Variants in AIG1 observed in about 807,000 individuals in gnomAD.
AIG1 encodes the protein androgen induced 1.
In AIG1, 23 loss-of-function variants were observed where a neutral mutation model predicts 31.4. The ratio of observed to expected loss-of-function variants is 0.73; its 90% CI spans 0.53 to 1.04. The LOEUF (loss-of-function observed/expected upper bound fraction) is 1.04, where lower values mean the gene tolerates loss of function less well. Ranked by LOEUF, AIG1 falls within the 50% of genes least tolerant of loss-of-function variation. AIG1 has a pLI of 0.00. For missense variants in AIG1, 274 were observed against 295.0 expected, an observed-to-expected ratio of 0.93 and a Z score of 0.52; for synonymous variants, 100 against 110.5, an observed-to-expected ratio of 0.90 and a Z score of 0.60.
intron 3 of AIG1, among the ~76,000 whole-genome samples, chr6:143,180,875 C>T (rs183453090): frequency 5.9e-5 from 9 of 152,172 alleles, no homozygotes; most frequent in East Asian, 1.9e-4. Flanking sequence ...ATTTAGGCAA[C>T]GATTTATTCT....
At chr6:143,132,220 A>G (rs974505676) in intron 1 of AIG1, among the ~76,000 whole-genome samples, 1 of 151,992 alleles carries the variant, frequency 6.6e-6, no homozygotes, top group African/African-American at 2.4e-5. Context: ...ATCCACATCT[A>G]TTTTTCAGCA....
At chr6:143,072,667 A>G (rs1777400483) in intron 1 of AIG1, among the ~76,000 whole-genome samples, 1 of 152,136 alleles carries the variant, frequency 6.6e-6, no homozygotes, top group African/African-American at 2.4e-5. Context: ...AAAAACTACA[A>G]ATGGATGTTG....
chr6:143,078,228 G>A (rs1413549152), intron 1 of AIG1, among the ~76,000 whole-genome samples: 1 of 152,072 alleles, frequency 6.6e-6, no homozygotes, highest in African/African-American at 2.4e-5. Context: ...CCATTTTATG[G>A]TTACTGTTTC....
intron 4 of AIG1, among the ~76,000 whole-genome samples, chr6:143,316,112 C>CA (rs60854324): frequency 6.6e-6 from 1 of 151,824 alleles, no homozygotes; most frequent in South Asian, 2.1e-4. Flanking sequence ...CCATTACCCC[C>CA]AAAAAAACAC....
chr6:143,243,150 T>C (rs1413952577), intron 3 of AIG1, among the ~76,000 whole-genome samples: 1 of 152,174 alleles, frequency 6.6e-6, no homozygotes, highest in Non-Finnish European at 1.5e-5. Flanking sequence ...TAGAAAAAAA[T>C]CCTTGGTCCA....
chr6:143,083,246 C>G (rs527892959), intron 1 of AIG1, among the ~76,000 whole-genome samples: 1 of 152,150 alleles, frequency 6.6e-6, no homozygotes, highest in Non-Finnish European at 1.5e-5. Context: ...GGTTTCTGAA[C>G]GGGCAGCTAG....
intron 3 of AIG1, among the ~76,000 whole-genome samples, chr6:143,198,252 A>C (rs74883597): frequency 6.6e-6 from 1 of 152,178 alleles, no homozygotes; most frequent in African/African-American, 2.4e-5. Context: ...TAACTTCTTC[A>C]TAGCTAGGAG....
intron 3 of AIG1, among the ~76,000 whole-genome samples, chr6:143,267,301 C>A (rs1224976701): frequency 6.6e-6 from 1 of 152,204 alleles, no homozygotes; most frequent in African/African-American, 2.4e-5. Flanking sequence ...TGCATCCTAG[C>A]TTTTCCTAGT....
intron 1 of AIG1, among the ~76,000 whole-genome samples, chr6:143,103,506 T>TC (rs1372757031): frequency 3.6e-5 from 5 of 138,480 alleles, no homozygotes; most frequent in African/African-American, 1.4e-4. Flanking sequence ...GTTTTCTTTT[T>TC]TTTTTTTTTT....
intron 3 of AIG1, among the ~76,000 whole-genome samples, chr6:143,200,842 G>A (rs774564263): frequency 4.6e-5 from 7 of 152,012 alleles, no homozygotes; most frequent in Admixed American, 1.3e-4. Context: ...CTTCTGGAGG[G>A]ATTTCTTCCT....
chr6:143,242,234 C>G (rs1462460417), intron 3 of AIG1, among the ~76,000 whole-genome samples: 1 of 152,072 alleles, frequency 6.6e-6, no homozygotes, highest in African/African-American at 2.4e-5. Flanking sequence ...TAGTCACTGG[C>G]AAGAGAAAAC....
intron 3 of AIG1, among the ~76,000 whole-genome samples, chr6:143,206,358 A>G (rs990448119): frequency 2.0e-5 from 3 of 152,218 alleles, no homozygotes; most frequent in Admixed American, 1.3e-4. Context: ...AAAATCTGGA[A>G]TAATATTTTT....
intron 2 of AIG1, among the ~76,000 whole-genome samples, chr6:143,138,539 C>T (rs749582953): frequency 6.6e-5 from 10 of 151,982 alleles, no homozygotes; most frequent in Non-Finnish European, 1.5e-4. Flanking sequence ...CTTGGAATTT[C>T]TATAGCCATG....
chr6:143,187,403 T>A (rs1444314964), intron 3 of AIG1: 30 of 1,535,496 alleles, frequency 2.0e-5, no homozygotes, highest in Non-Finnish European at 2.4e-5. Context: ...GCAACTAGAT[T>A]CCACCACTTT....
At chr6:143,211,510 T>C (rs1791587062) in intron 3 of AIG1, among the ~76,000 whole-genome samples, 1 of 152,204 alleles carries the variant, frequency 6.6e-6, no homozygotes, top group Non-Finnish European at 1.5e-5. Context: ...CAAATGAATA[T>C]TTAATGTGAA....
At chr6:143,086,550 C>T (rs922658354) in intron 1 of AIG1, among the ~76,000 whole-genome samples, 21 of 152,012 alleles carry the variant, frequency 1.4e-4, no homozygotes, top group East Asian at 5.8e-4. Flanking sequence ...ACATAACTGC[C>T]CATGTTGAGA....
At chr6:143,252,753 T>C (rs1290069568) in intron 3 of AIG1, among the ~76,000 whole-genome samples, 1 of 152,226 alleles carries the variant, frequency 6.6e-6, no homozygotes, top group East Asian at 1.9e-4. Context: ...ACGATTTCTG[T>C]AGATCAGGAT....
At chr6:143,178,239 C>G (rs891895999) in intron 3 of AIG1, among the ~76,000 whole-genome samples, 2 of 152,150 alleles carry the variant, frequency 1.3e-5, no homozygotes, top group African/African-American at 2.4e-5. Context: ...ACTCTGCATC[C>G]CTCTGGGTGG....
rs187663708 is a variant in AIG1 at position 143,151,571 on chromosome 6, G to A, written c.298-13511G>A. 6.6e-5 allele frequency among the ~76,000 whole-genome samples: 10 copies of A among 152,170 alleles called. No individual in the cohort carries two copies. In the East Asian group the frequency reaches 1.7e-3, roughly 26 times the overall value. On this transcript the variant is annotated intron_variant, in intron 2 of 5. Coordinates refer to ENST00000357847, the MANE Select transcript of AIG1 (RefSeq NM_016108.4). ...CAGAGCAGTGAGATAGTCATTTGTG[G>A]GTGTCCTAGTGTGCTAGGAAGTCCC...
Sources: gnomAD v4.1 joint callset for allele counts (sites outside exome capture counted in the v4.1 genomes callset) on GRCh38, gnomAD v4.1.1 for gene constraint, MANE v1.5 for transcripts, NCBI Gene and HGNC (gene_info 2026-07-23, HGNC 2026-07-21) for gene names.